ADGRL3: variants seen among roughly 807,000 people sequenced by gnomAD.
The protein encoded by ADGRL3 is calcium-independent alpha-latrotoxin receptor 3.
In ADGRL3, 62 loss-of-function variants were observed where a neutral mutation model predicts 153.5. The ratio of observed to expected loss-of-function variants is 0.40; its 90% CI spans 0.33 to 0.50. ADGRL3 has a LOEUF of 0.50. Among genes scored for constraint, ADGRL3 ranks in the 20% least tolerant of loss-of-function variants. The probability of loss-of-function intolerance (pLI) is 0.47; values close to 1 mark genes in which losing one functional copy is unlikely to be tolerated. For missense variants in ADGRL3, 1,641 were observed against 1,859.4 expected, an observed-to-expected ratio of 0.88 and a Z score of 2.16; for synonymous variants, 710 against 672.5, an observed-to-expected ratio of 1.06 and a Z score of -0.86.
chr4:61,826,891 A>G (rs1581023729), intron 9 of ADGRL3, among the ~76,000 whole-genome samples: 1 of 149,464 alleles, frequency 6.7e-6, no homozygotes, highest in African/African-American at 2.5e-5. Context: ...CGTTGTGCAC[A>G]TGTACCCTAG....
At chr4:61,386,020 C>T (rs2096732050) in intron 2 of ADGRL3, among the ~76,000 whole-genome samples, 1 of 152,012 alleles carries the variant, frequency 6.6e-6, no homozygotes, top group African/African-American at 2.4e-5. Flanking sequence ...GAATTCATAC[C>T]AACTGGGATT....
chr4:61,927,366 A>T (rs189237250), intron 13 of ADGRL3, among the ~76,000 whole-genome samples: 4,701 of 149,784 alleles, frequency 0.031, 168 homozygotes, highest in East Asian at 0.19. Flanking sequence ...GCTTTTTTTT[A>T]AAAAAAAAAA....
chr4:61,477,943 AAG>A (rs1157350185), intron 2 of ADGRL3, among the ~76,000 whole-genome samples: 5 of 152,048 alleles, frequency 3.3e-5, no homozygotes, highest in African/African-American at 1.2e-4. Context: ...GAAATAGTTT[AAG>A]AGTTTTCATT....
chr4:61,691,379 T>C (rs2151131557), intron 6 of ADGRL3, among the ~76,000 whole-genome samples: 1 of 152,286 alleles, frequency 6.6e-6, no homozygotes, highest in Non-Finnish European at 1.5e-5. Flanking sequence ...GACCAATCTA[T>C]GAAGGCCATA....
intron 8 of ADGRL3, among the ~76,000 whole-genome samples, chr4:61,811,306 A>ACT (rs2097615483): frequency 6.6e-6 from 1 of 152,034 alleles, no homozygotes; most frequent in African/African-American, 2.4e-5. Flanking sequence ...AAAAAGGAGT[A>ACT]AAGTACTGCT....
intron 23 of ADGRL3, among the ~76,000 whole-genome samples, chr4:62,032,781 A>G (rs1216218309): frequency 6.6e-6 from 1 of 151,520 alleles, no homozygotes; most frequent in Non-Finnish European, 1.5e-5. Context: ...TCTTTTTTCA[A>G]TTTTAGATGG....
intron 4 of ADGRL3, among the ~76,000 whole-genome samples, chr4:61,521,414 A>T (rs1293840112): frequency 2.0e-5 from 3 of 152,188 alleles, no homozygotes; most frequent in African/African-American, 4.8e-5. Flanking sequence ...ACACAATGGT[A>T]TAACACTATG....
chr4:61,935,470 G>A (rs540307194), intron 14 of ADGRL3, among the ~76,000 whole-genome samples: 12 of 152,184 alleles, frequency 7.9e-5, no homozygotes, highest in South Asian at 2.1e-4. Context: ...GCTTATAAAG[G>A]ATATCAGTCT....
chr4:61,295,331 C>A (rs1250081712), intron 1 of ADGRL3, among the ~76,000 whole-genome samples: 1 of 152,040 alleles, frequency 6.6e-6, no homozygotes, highest in Non-Finnish European at 1.5e-5. Context: ...TGTTGTTAAT[C>A]TCTTAAGGTG....
intron 8 of ADGRL3, among the ~76,000 whole-genome samples, chr4:61,780,012 G>GA (rs1371873034): frequency 1.3e-5 from 2 of 152,100 alleles, no homozygotes. Context: ...TCTGGGTTTG[G>GA]AAAAGAATCC....
At chr4:62,044,148 T>G (rs1027756279) in intron 24 of ADGRL3, among the ~76,000 whole-genome samples, 3 of 152,052 alleles carry the variant, frequency 2.0e-5, no homozygotes, top group Non-Finnish European at 4.4e-5. Context: ...TGTCTGAAGA[T>G]ATATACCTCT....
intron 2 of ADGRL3, among the ~76,000 whole-genome samples, chr4:61,439,847 C>A (rs958827851): frequency 2.6e-5 from 4 of 151,976 alleles, no homozygotes; most frequent in African/African-American, 9.7e-5. Context: ...CTACACTTGC[C>A]CTGTAACTCA....
chr4:61,671,211 G>A (rs1162135483), intron 5 of ADGRL3, among the ~76,000 whole-genome samples: 1 of 152,178 alleles, frequency 6.6e-6, no homozygotes, highest in East Asian at 1.9e-4. Context: ...GGTGCTCTAT[G>A]TTGTGGCAAA....
intron 5 of ADGRL3, among the ~76,000 whole-genome samples, chr4:61,623,382 AT>A (rs530953677): frequency 3.3e-5 from 5 of 151,966 alleles, no homozygotes; most frequent in East Asian, 1.9e-4. Context: ...CTTATCTTTA[AT>A]TTTTTTTAAG....
chr4:61,758,417 C>A (rs865983055), intron 8 of ADGRL3, among the ~76,000 whole-genome samples: 2 of 152,084 alleles, frequency 1.3e-5, no homozygotes, highest in African/African-American at 2.4e-5. Context: ...TTGAATTGAT[C>A]CCTTTACCAT....
At chr4:61,845,418 A>C (rs2098104043) in intron 9 of ADGRL3, among the ~76,000 whole-genome samples, 1 of 151,944 alleles carries the variant, frequency 6.6e-6, no homozygotes, top group Non-Finnish European at 1.5e-5. Context: ...TGGCATGATC[A>C]TGGCGCACTG....
chr4:61,569,211 C>T (rs1183160629), intron 4 of ADGRL3, among the ~76,000 whole-genome samples: 1 of 152,078 alleles, frequency 6.6e-6, no homozygotes, highest in Non-Finnish European at 1.5e-5. Flanking sequence ...TGTGCTTTTT[C>T]ATAATACATG....
At chr4:61,703,908 G>A (rs1414229392) in intron 6 of ADGRL3, among the ~76,000 whole-genome samples, 2 of 151,772 alleles carry the variant, frequency 1.3e-5, no homozygotes, top group African/African-American at 2.4e-5. Context: ...GATAAGATGA[G>A]GAACAGTATC....
rs563528963 is a variant in ADGRL3, at chr4:61,511,428, T to C, written c.56-5887T>C. 2.0e-5 allele frequency among the ~76,000 whole-genome samples: 3 copies of C among 152,316 alleles called. No individual in the cohort carries two copies. The East Asian group carries it at 5.8e-4, about 29-fold the overall frequency. On this transcript the variant is annotated intron_variant, in intron 3 of 26. Coordinates refer to ENST00000683033, the MANE Select transcript of ADGRL3 (RefSeq NM_001387552.1). The stretch of plus-strand genomic sequence containing the variant: ...TATGCTGATTGTATACCCTGAAACT[T>C]TACTGAAGTTGTTTATCATGTCTAG...
Sources: gnomAD v4.1 joint callset for allele counts (sites outside exome capture counted in the v4.1 genomes callset) on GRCh38, gnomAD v4.1.1 for gene constraint, MANE v1.5 for transcripts, NCBI Gene and HGNC (gene_info 2026-07-23, HGNC 2026-07-21) for gene names.